Variants in PSD3 observed in about 807,000 individuals in gnomAD.
The protein encoded by PSD3 is pleckstrin and Sec7 domain containing 3.
PSD3 carries 49 observed loss-of-function variants against 105.5 expected under a neutral mutation model. The observed-to-expected ratio is 0.46, with a 90% CI of 0.37 to 0.59. The LOEUF (loss-of-function observed/expected upper bound fraction) is 0.59, where lower values mean the gene tolerates loss of function less well. PSD3 is among the 20% of genes least tolerant of loss of function. The pLI, the probability that PSD3 is intolerant of heterozygous loss-of-function variation, is 0.00. For synonymous variants in PSD3, 557 were observed against 457.8 expected (o/e 1.22, Z -2.77); for missense variants, 1,561 against 1,263.8 (o/e 1.24, Z -3.57).
intron 1 of PSD3, among the ~76,000 whole-genome samples, chr8:19,040,555 A>G (rs922797618): frequency 4.6e-5 from 7 of 152,194 alleles, no homozygotes; most frequent in African/African-American, 1.7e-4. Context: ...TTTTAAGCCC[A>G]CGAGTAACTT....
intron 4 of PSD3, among the ~76,000 whole-genome samples, chr8:18,822,717 A>C (rs1040224260): frequency 7.9e-5 from 12 of 152,200 alleles, no homozygotes; most frequent in African/African-American, 2.9e-4. Flanking sequence ...GCTTGCACTC[A>C]TGTTTTATGA....
chr8:19,046,971 T>G (rs1185533283), intron 1 of PSD3, among the ~76,000 whole-genome samples: 3 of 152,150 alleles, frequency 2.0e-5, no homozygotes, highest in Admixed American at 2.0e-4. Context: ...CCTGGAGAGT[T>G]AGGGGTTAAA....
At chr8:19,023,926 A>G (rs1035468758) in intron 1 of PSD3, among the ~76,000 whole-genome samples, 1 of 152,226 alleles carries the variant, frequency 6.6e-6, no homozygotes. Context: ...TTAGCACAGC[A>G]CTATGCACTG....
In PSD3 at chr8:18,993,648, C is replaced by A. The variant is rs745384835; in HGVS notation, c.21+19915G>T. Among the ~76,000 whole-genome samples the A allele has an allele frequency of 2.0e-4, 30 of 150,778 alleles. 1 individual carries two copies. Among genetic ancestry groups the A allele is most frequent in the Non-Finnish European group, 3.4e-4 (23 of 67,940 alleles). On this transcript the variant is annotated intron_variant, in intron 1 of 15. Transcript: ENST00000327040. ...CAATTCAGTTGTATGCTTTAGCTCT[C>A]AATAACACTGAAAGTTTGCCTTATA...
At chr8:18,982,570 CCTT>C (rs529832916) in intron 1 of PSD3, among the ~76,000 whole-genome samples, 97 of 152,232 alleles carry the variant, frequency 6.4e-4, no homozygotes, top group Middle Eastern at 3.4e-3. Flanking sequence ...CAAAATTACT[CCTT>C]GAGTCATTGG....
intron 1 of PSD3, among the ~76,000 whole-genome samples, chr8:18,991,547 C>G (rs1021147600): frequency 2.0e-5 from 3 of 152,000 alleles, no homozygotes; most frequent in African/African-American, 7.3e-5. Context: ...ATTGGTAATA[C>G]CTGTGGAATG....
intron 2 of PSD3, among the ~76,000 whole-genome samples, chr8:18,899,730 A>G (rs1819381626): frequency 6.6e-6 from 1 of 152,138 alleles, no homozygotes; most frequent in Admixed American, 6.6e-5. Context: ...TTAGGGACAA[A>G]GCACTGATGG....
intron 1 of PSD3, among the ~76,000 whole-genome samples, chr8:18,984,130 C>T (rs765751283): frequency 1.7e-4 from 25 of 150,636 alleles, no homozygotes; most frequent in Non-Finnish European, 2.7e-4. Flanking sequence ...ACAAAGTGAG[C>T]ACAGTGGGAA....
intron 1 of PSD3, among the ~76,000 whole-genome samples, chr8:19,077,449 T>C (rs1300342417): frequency 6.6e-6 from 1 of 152,102 alleles, no homozygotes; most frequent in African/African-American, 2.4e-5. Flanking sequence ...TAGCTGCTGA[T>C]GACTTTAGAA....
At chr8:18,738,444 A>C (rs963964204) in intron 9 of PSD3, among the ~76,000 whole-genome samples, 1 of 152,202 alleles carries the variant, frequency 6.6e-6, no homozygotes, top group African/African-American at 2.4e-5. Context: ...CAAGGAGGAC[A>C]GGGCTGGCCT....
intron 12 of PSD3, among the ~76,000 whole-genome samples, chr8:18,598,816 T>C (rs1804227329): frequency 1.3e-5 from 2 of 152,008 alleles, no homozygotes; most frequent in Admixed American, 1.3e-4. Flanking sequence ...TAAAAAATAC[T>C]TAAGAATAAA....
At chr8:18,589,630 A>G (rs914715933) in intron 12 of PSD3, among the ~76,000 whole-genome samples, 8 of 152,230 alleles carry the variant, frequency 5.3e-5, no homozygotes, top group Non-Finnish European at 1.0e-4. Context: ...GTAATATGTA[A>G]AATGTTAATG....
Position 18,735,594 on chromosome 8 carries a change from T to A in PSD3, c.2172+29855A>T, listed in dbSNP as rs561811523. On this transcript the variant is annotated intron_variant, in intron 9 of 15. Coordinates refer to ENST00000327040, the MANE Select transcript of PSD3 (RefSeq NM_015310.4). Reference sequence around the variant, plus strand: ...AAGCACAGTTTTTCTCTGACAGATTTCTATCTCCTGGTAGCATGGTTTTTA... The same window carrying A: ...AAGCACAGTTTTTCTCTGACAGATTACTATCTCCTGGTAGCATGGTTTTTA... Among the ~76,000 whole-genome samples, 11 of 152,308 alleles carry A rather than the reference T, an allele frequency of 7.2e-5. No individual in the cohort carries two copies. In the East Asian group the frequency reaches 1.4e-3, roughly 19 times the overall value.
At chr8:19,001,794 C>G (rs1350712456) in intron 1 of PSD3, 1 of 156,826 alleles carries the variant, frequency 6.4e-6, no homozygotes, top group African/African-American at 2.4e-5. Context: ...TCAGGATGAC[C>G]AAAGAGTATC....
At chr8:18,724,773 A>G (rs2129428513) in intron 9 of PSD3, among the ~76,000 whole-genome samples, 1 of 152,278 alleles carries the variant, frequency 6.6e-6, no homozygotes, top group South Asian at 2.1e-4. Flanking sequence ...GCTTATTAAT[A>G]AATGGAAAAA....
At chr8:18,904,997 G>C (rs1361958385) in intron 2 of PSD3, among the ~76,000 whole-genome samples, 1 of 152,194 alleles carries the variant, frequency 6.6e-6, no homozygotes, top group African/African-American at 2.4e-5. Context: ...CTGTGTATTA[G>C]GTTTTTCTTT....
chr8:18,637,807 T>C (rs1184678690), intron 10 of PSD3, among the ~76,000 whole-genome samples: 2 of 152,166 alleles, frequency 1.3e-5, no homozygotes, highest in Admixed American at 6.5e-5. Context: ...TAGATCAGAA[T>C]CAATCTGGAA....
chr8:18,829,903 T>A (rs530855873), intron 4 of PSD3, among the ~76,000 whole-genome samples: 149 of 152,196 alleles, frequency 9.8e-4, no homozygotes, highest in African/African-American at 3.4e-3. Context: ...AAATAAAAAA[T>A]AATAATCACA....
At position 18,671,001 on chromosome 8, in the gene PSD3, T is replaced by C. The variant is rs77747278; in HGVS notation, c.2173-15316A>G. 3.8e-3 allele frequency among the ~76,000 whole-genome samples: 582 copies of C among 152,310 alleles called. 15 individuals are homozygous for C. The East Asian group carries it at 0.051, about 13-fold the overall frequency. On this transcript the variant is annotated intron_variant, in intron 9 of 15. Coordinates refer to ENST00000327040, the MANE Select transcript of PSD3 (RefSeq NM_015310.4). ...TGCTCCTTGCAGATGAGATCAAGTC[T>C]TCCATCTCCCTTTAGTCTCTATAAT...
Sources: gnomAD v4.1 joint callset for allele counts (sites outside exome capture counted in the v4.1 genomes callset) on GRCh38, gnomAD v4.1.1 for gene constraint, MANE v1.5 for transcripts, NCBI Gene and HGNC (gene_info 2026-07-23, HGNC 2026-07-21) for gene names.